The following RUSF1 variants were observed in gnomAD, a reference collection of about 807,000 sequenced individuals.
RUSF1 encodes RUS family member 1.
Under a neutral mutation model 63.0 loss-of-function variants are expected in RUSF1, and 58 were observed. That is an observed-to-expected ratio of 0.92 (90% confidence interval 0.75 to 1.15). RUSF1 has a LOEUF of 1.15. Among genes scored for constraint, RUSF1 ranks in the 50% most tolerant of loss-of-function variants. The probability of loss-of-function intolerance (pLI) is 0.00; values close to 1 mark genes in which losing one functional copy is unlikely to be tolerated. For synonymous variants in RUSF1, 274 were observed against 255.8 expected, an observed-to-expected ratio of 1.07 and a Z score of -0.68; for missense variants, 652 against 611.0, an observed-to-expected ratio of 1.07 and a Z score of -0.71.
At chr16:31,494,601 T>G (rs114240703) in intron 6 of RUSF1, among the ~76,000 whole-genome samples, 5 of 152,110 alleles carry the variant, frequency 3.3e-5, no homozygotes, top group Admixed American at 6.5e-5. Context: ...TAAATACATA[T>G]GTGTATCAGT....
Position 31,492,338 on chromosome 16 carries a change from G to T in RUSF1, c.1090C>A (p.Gln364Lys). 6.4e-7 allele frequency: 1 copy of T among 1,554,418 alleles called. No homozygotes were observed. The highest frequency in any genetic ancestry group is 8.7e-7 in the Non-Finnish European group (1 of 1,150,940). Residue 364 changes from glutamine to lysine, a missense_variant and splice_region_variant, in exon 11 of 13, where the codon CAG becomes AAG. Transcript: ENST00000327237. Reference sequence around the variant, plus strand: ...TTCTGGTTCAGAACTACCTGTACCTGGTCTGGAGGGACCCAGAGACAGACT... The same window carrying T: ...TTCTGGTTCAGAACTACCTGTACCTTGTCTGGAGGGACCCAGAGACAGACT... ...YLLCWDQSQN[Q>K]VQVVLNQKAG...
At chr16:31,500,014 G>A (rs2082624640) in intron 3 of RUSF1, among the ~76,000 whole-genome samples, 1 of 152,140 alleles carries the variant, frequency 6.6e-6, no homozygotes, top group African/African-American at 2.4e-5. Context: ...AAGAGAGCCG[G>A]GCTCCGACAT....
intron 2 of RUSF1, among the ~76,000 whole-genome samples, chr16:31,503,783 C>G (rs1161930720): frequency 6.6e-6 from 1 of 152,140 alleles, no homozygotes; most frequent in African/African-American, 2.4e-5. Context: ...CTACCTCAGC[C>G]TCCTGTGTAG....
At chr16:31,493,446 G>A (rs776129389) in intron 9 of RUSF1, 21 bp downstream of exon 9, 37 of 1,584,430 alleles carry the variant, frequency 2.3e-5, no homozygotes, top group East Asian at 4.7e-5. Context: ...GGTGACGAGC[G>A]GGAGACGCTA....
At position 31,506,513 on chromosome 16, in the gene RUSF1, G is replaced by A. The variant is rs370108948; in HGVS notation, c.415+1251C>T. Among the ~76,000 whole-genome samples the A allele has an allele frequency of 1.4e-3, 207 of 152,326 alleles. 1 individual carries two copies. Among genetic ancestry groups the A allele is most frequent in the African/African-American group, 4.7e-3 (196 of 41,572 alleles). On this transcript the variant is annotated intron_variant, in intron 2 of 12. Coordinates refer to ENST00000327237, the MANE Select transcript of RUSF1 (RefSeq NM_022744.4). ...ATACGGCCAACAAGCCGGGCGCAGTGGCTCACGCCTATAATCCCAGCACTT... is the reference window on the plus strand; with the variant it reads ...ATACGGCCAACAAGCCGGGCGCAGTAGCTCACGCCTATAATCCCAGCACTT...
In RUSF1 at chr16:31,508,156, A is replaced by G. The variant is rs762776316; in HGVS notation, c.218T>C (p.Leu73Pro). 5 of 1,587,424 alleles carry G rather than the reference A, an allele frequency of 3.1e-6. No homozygotes were observed. Among genetic ancestry groups the G allele is most frequent in the East Asian group, 2.3e-5 (1 of 42,844 alleles). ...SGAPSPPLSG[L>P]QAVFLPQGFP... Reference sequence around the variant, plus strand: ...GCCCTGAGGCAGGAACACGGCCTGGAGCCCGGAGAGGGGCGGTGAGGGGGC... The same window carrying G: ...GCCCTGAGGCAGGAACACGGCCTGGGGCCCGGAGAGGGGCGGTGAGGGGGC... The change falls in exon 1 of 13, where the codon CTC (leucine) becomes CCC (proline). Residue 73 changes from leucine to proline, a missense_variant. Leu to Pro is a moderately conservative substitution (Grantham distance 98). Coordinates refer to ENST00000327237, the MANE Select transcript of RUSF1 (RefSeq NM_022744.4).
At chr16:31,491,955 G>C (rs2082571699) in intron 12 of RUSF1, 54 bp downstream of exon 12, 2 of 1,592,910 alleles carry the variant, frequency 1.3e-6, no homozygotes, top group African/African-American at 2.7e-5. Flanking sequence ...GGAAGGCGGG[G>C]CCCCCAGGGA....
chr16:31,502,371 G>C (rs2082637295), intron 2 of RUSF1, among the ~76,000 whole-genome samples: 1 of 152,156 alleles, frequency 6.6e-6, no homozygotes, highest in Admixed American at 6.5e-5. Context: ...GGACTTGAGG[G>C]AAATCAGTAA....
In RUSF1 at chr16:31,491,200, A is replaced by G. The variant is rs1266075602; in HGVS notation, c.1310-268T>C. Among the ~76,000 whole-genome samples, 4 of 152,312 alleles carry G rather than the reference A, an allele frequency of 2.6e-5. No homozygotes were observed. The East Asian group carries it at 5.8e-4, about 22-fold the overall frequency. ...CCTGCTCCATCCTCCCATTTCCTAC[A>G]TGCCAACTGGGATTACACAGACTGT... On this transcript the variant is annotated intron_variant, in intron 12 of 12. Transcript: ENST00000327237.
chr16:31,491,121 T>C (rs990238939), intron 12 of RUSF1, among the ~76,000 whole-genome samples, 189 bp from the exon 13 acceptor site: 2 of 152,184 alleles, frequency 1.3e-5, no homozygotes, highest in African/African-American at 4.8e-5. Context: ...AGAAGAGCGC[T>C]GGGATGGAAC....
rs750800627 is a variant in RUSF1, at chr16:31,508,181, C to G, written c.193G>C (p.Ala65Pro). The G allele has an allele frequency of 4.5e-6, 7 of 1,569,798 alleles. No individual in the cohort carries two copies. Among genetic ancestry groups the G allele is most frequent in the African/African-American group, 1.4e-5 (1 of 73,534 alleles). ...RDAGEVGASG[A>P]PSPPLSGLQA... ...AGCCCGGAGAGGGGCGGTGAGGGGGCCCCGGAAGCCCCCACTTCGCCCGCA... is the reference window on the plus strand; with the variant it reads ...AGCCCGGAGAGGGGCGGTGAGGGGGGCCCGGAAGCCCCCACTTCGCCCGCA... Residue 65 changes from alanine to proline, a missense_variant, in exon 1 of 13, where the codon GCC becomes CCC. Transcript: ENST00000327237.
Position 31,508,191 on chromosome 16 carries a change from C to A in RUSF1, c.183G>T (p.Gly61=), listed in dbSNP as rs1216680100. The A allele has an allele frequency of 1.3e-6, 2 of 1,566,558 alleles. No individual in the cohort carries two copies. The highest frequency in any genetic ancestry group is 1.4e-5 in the African/African-American group (1 of 73,496). The change falls in exon 1 of 13, where the codon GGG becomes GGT. Residue 61 remains glycine (G), a synonymous_variant. Transcript: ENST00000327237. Reference sequence around the variant, plus strand: ...GGGGCGGTGAGGGGGCCCCGGAAGCCCCCACTTCGCCCGCATCTCGTCCTT... The same window carrying A: ...GGGGCGGTGAGGGGGCCCCGGAAGCACCCACTTCGCCCGCATCTCGTCCTT... ...KPEGRDAGEV[G]ASGAPSPPLS... is the part of the protein sequence containing the mutation.
chr16:31,492,443 G>A, intron 10 of RUSF1, 103 bp from the exon 11 acceptor site: 1 of 1,316,628 alleles, frequency 7.6e-7, no homozygotes, highest in South Asian at 1.7e-5. Context: ...ACCTTGGCCT[G>A]GCACGGAAGG....
At chr16:31,500,830 T>C in intron 2 of RUSF1, 99 bp from the exon 3 acceptor site, 1 of 1,298,266 alleles carries the variant, frequency 7.7e-7, no homozygotes, top group South Asian at 1.5e-5. Context: ...ACTGAGTCAC[T>C]GCCTTTGGGA....
At chr16:31,503,324 T>C (rs2082641865) in intron 2 of RUSF1, among the ~76,000 whole-genome samples, 1 of 152,214 alleles carries the variant, frequency 6.6e-6, no homozygotes, top group Non-Finnish European at 1.5e-5. Flanking sequence ...CTTGGACAAG[T>C]TACTTAAACA....
Position 31,490,766 on chromosome 16 carries a change from T to C in RUSF1, c.*69A>G. 1 of 1,541,448 alleles carries C rather than the reference T, an allele frequency of 6.5e-7. No individual in the cohort carries two copies. Among genetic ancestry groups the C allele is most frequent in the South Asian group, 1.1e-5 (1 of 89,516 alleles). ...AGGAAAAATAAAGCTGCCTTTCCCCTGTCCTGCTGTGGCCAAAGTGTCCTT... is the reference window on the plus strand; with the variant it reads ...AGGAAAAATAAAGCTGCCTTTCCCCCGTCCTGCTGTGGCCAAAGTGTCCTT... On this transcript the variant is annotated 3_prime_UTR_variant, in exon 13 of 13. Coordinates refer to ENST00000327237, the MANE Select transcript of RUSF1 (RefSeq NM_022744.4).
At chr16:31,496,811 T>TC (rs1567396588) in intron 6 of RUSF1, 38 bp downstream of exon 6, 1 of 1,486,188 alleles carries the variant, frequency 6.7e-7, no homozygotes, top group South Asian at 1.3e-5. Context: ...CCCCTTCCCC[T>TC]CCCCACTCCA....
chr16:31,491,042 G>T (rs1451073044), intron 12 of RUSF1, 110 bp from the exon 13 acceptor site: 4 of 976,020 alleles, frequency 4.1e-6, no homozygotes, highest in East Asian at 2.5e-5. Context: ...GCCTCTGCTG[G>T]GTGAGTATGG....
At chr16:31,495,160 G>A (rs1333164103) in intron 6 of RUSF1, among the ~76,000 whole-genome samples, 1 of 152,146 alleles carries the variant, frequency 6.6e-6, no homozygotes, top group African/African-American at 2.4e-5. Context: ...TCACTCTAGG[G>A]GAAGGGACCC....
Sources: gnomAD v4.1 joint callset for allele counts (sites outside exome capture counted in the v4.1 genomes callset) on GRCh38, gnomAD v4.1.1 for gene constraint, MANE v1.5 for transcripts, NCBI Gene and HGNC (gene_info 2026-07-23, HGNC 2026-07-21) for gene names.